NT5C3A: variants seen among roughly 807,000 people sequenced by gnomAD.
NT5C3A encodes the protein cytosolic 5'-nucleotidase 3A.
NT5C3A carries 23 observed loss-of-function variants against 40.0 expected under a neutral mutation model. The observed-to-expected ratio is 0.58, with a 90% CI of 0.41 to 0.81. The LOEUF (loss-of-function observed/expected upper bound fraction) is 0.81, where lower values mean the gene tolerates loss of function less well. NT5C3A is among the 40% of genes least tolerant of loss of function. The probability of loss-of-function intolerance (pLI) is 0.00; values close to 1 mark genes in which losing one functional copy is unlikely to be tolerated. For synonymous variants in NT5C3A, 130 were observed against 141.4 expected (o/e 0.92, Z 0.57); for missense variants, 328 against 403.0 (o/e 0.81, Z 1.59).
rs1785654640 is a variant in NT5C3A, at chr7:33,022,045, G to C, written c.354+8C>G. On this transcript the variant is annotated splice_region_variant and intron_variant, in intron 4 of 8. Coordinates refer to ENST00000610140, the MANE Select transcript of NT5C3A (RefSeq NM_001002010.5). ...TTTGAGTGACTATAGATTGTTGTTA[G>C]TGTTTACCTTTTTTCTACATTCATC... 7 of 1,475,400 alleles carry C rather than the reference G, an allele frequency of 4.7e-6. No homozygotes were observed. Among genetic ancestry groups the C allele is most frequent in the Non-Finnish European group, 5.7e-6 (6 of 1,055,008 alleles). The allele number at this position is 1,475,400 out of a possible 1,614,324, so 91.4% of individuals were successfully genotyped here. A position where few individuals can be genotyped will look rare whatever the true frequency, so the allele number is the denominator to read the frequency against.
intron 5 of NT5C3A, 50 bp downstream of exon 5, chr7:33,021,222 G>A (rs1785608727): frequency 6.2e-7 from 1 of 1,605,710 alleles, no homozygotes; most frequent in Non-Finnish European, 8.5e-7. Flanking sequence ...TAACTGCAGT[G>A]TTGTTTTATT....
intron 1 of NT5C3A, among the ~76,000 whole-genome samples, chr7:33,055,233 G>T (rs542009452): frequency 6.6e-6 from 1 of 151,970 alleles, no homozygotes; most frequent in Non-Finnish European, 1.5e-5. Flanking sequence ...ACTGAGGCAT[G>T]AGAATTGCTT....
chr7:33,060,955 A>G (rs1787751921), intron 1 of NT5C3A, among the ~76,000 whole-genome samples: 1 of 152,272 alleles, frequency 6.6e-6, no homozygotes, highest in Non-Finnish European at 1.5e-5. Context: ...GCATACATGT[A>G]AATATTGACT....
intron 1 of NT5C3A, among the ~76,000 whole-genome samples, chr7:33,029,072 C>T (rs1013789844): frequency 6.6e-5 from 10 of 151,842 alleles, no homozygotes; most frequent in African/African-American, 1.9e-4. Flanking sequence ...CTACCACCTA[C>T]AATATATTTA....
Position 33,014,504 on chromosome 7 carries a change from T to TTAAGG in NT5C3A, c.*225_*226insCCTTA. 2.9e-6 allele frequency: 1 copy of TTAAGG among 348,922 alleles called. No homozygotes were observed. The highest frequency in any genetic ancestry group is 4.7e-6 in the Non-Finnish European group (1 of 213,258). The allele number at this position is 348,922 out of a possible 1,614,324, so 21.6% of individuals were successfully genotyped here. The stretch of plus-strand genomic sequence containing the variant: ...GGGAGTTATTTTTCTAATTTTAGCT[T>TTAAGG]TTTTTTTTTTTTAAATGGGTTAAAA... On this transcript the variant is annotated 3_prime_UTR_variant, in exon 9 of 9. Transcript: ENST00000610140.
intron 2 of NT5C3A, among the ~76,000 whole-genome samples, chr7:33,026,156 G>A (rs1303310996): frequency 3.3e-5 from 5 of 151,900 alleles, no homozygotes; most frequent in Non-Finnish European, 7.4e-5. Context: ...CTGCACTCCA[G>A]CCTGAGCAAC....
At chr7:33,061,714 G>T (rs1447503385) in intron 1 of NT5C3A, among the ~76,000 whole-genome samples, 1 of 152,060 alleles carries the variant, frequency 6.6e-6, no homozygotes, top group East Asian at 1.9e-4. Flanking sequence ...TCTGACCCTA[G>T]ATGTTCACAT....
chr7:33,021,392 A>C (rs767577512), intron 4 of NT5C3A, 35 bp from the exon 5 acceptor site: 1 of 1,601,198 alleles, frequency 6.2e-7, no homozygotes, highest in South Asian at 1.1e-5. Context: ...CATGAAGATT[A>C]CTTGAAAATA....
intron 1 of NT5C3A, among the ~76,000 whole-genome samples, chr7:33,053,004 T>C (rs1787432498): frequency 6.6e-6 from 1 of 152,236 alleles, no homozygotes; most frequent in Non-Finnish European, 1.5e-5. Flanking sequence ...TCTCTAGTTG[T>C]CATGGTTTAT....
At chr7:33,042,477 C>T (rs1371033283) in intron 1 of NT5C3A, among the ~76,000 whole-genome samples, 2 of 152,224 alleles carry the variant, frequency 1.3e-5, no homozygotes, top group East Asian at 1.9e-4. Context: ...AGAGGACAGC[C>T]TATTATCTCT....
chr7:33,060,566 A>C (rs1583978412), intron 1 of NT5C3A, among the ~76,000 whole-genome samples: 1 of 149,400 alleles, frequency 6.7e-6, no homozygotes, highest in Admixed American at 6.6e-5. Context: ...TCAATTAAAA[A>C]CTCTTGCAAG....
chr7:33,058,696 C>A (rs554115748), intron 1 of NT5C3A, among the ~76,000 whole-genome samples: 1 of 152,284 alleles, frequency 6.6e-6, no homozygotes, highest in African/African-American at 2.4e-5. Context: ...TCCGTATTCC[C>A]CTCAAAAGGC....
At position 33,062,752 on chromosome 7, in the gene NT5C3A, C is replaced by A. The variant is rs1477008789; in HGVS notation, c.-47G>T. On this transcript the variant is annotated 5_prime_UTR_variant, in exon 1 of 9. Coordinates refer to ENST00000610140, the MANE Select transcript of NT5C3A (RefSeq NM_001002010.5). ...CCAAGCAGGAAAAAAACAGGCAGCT[C>A]GCGTAGACTGCGAGTCTCGGAAGCG... 7 of 1,548,762 alleles carry A rather than the reference C, an allele frequency of 4.5e-6. No homozygotes were observed. Among genetic ancestry groups the A allele is most frequent in the East Asian group, 2.4e-5 (1 of 40,896 alleles).
chr7:33,050,794 ACTTG>A lies in NT5C3A; in HGVS notation c.138+11770_138+11773del, dbSNP rs946820440. On this transcript the variant is annotated intron_variant, in intron 1 of 8. Coordinates refer to ENST00000610140, the MANE Select transcript of NT5C3A (RefSeq NM_001002010.5). ...GTCTATAATGGCAGAAAGTTGTCTT[ACTTG>A]GTTTAAATTGTATAGATTAATGGTT... Among the ~76,000 whole-genome samples the A allele has an allele frequency of 1.6e-3, 244 of 152,370 alleles. 4 individuals are homozygous for A. The highest frequency in any genetic ancestry group is 8.7e-3 in the East Asian group (45 of 5,188).
chr7:33,025,101 T>C (rs1029439396), intron 2 of NT5C3A, among the ~76,000 whole-genome samples: 1 of 152,140 alleles, frequency 6.6e-6, no homozygotes, highest in Admixed American at 6.5e-5. Context: ...ATCATGCCAC[T>C]ACACTCCAAC....
At chr7:33,044,150 T>A (rs556199201) in intron 1 of NT5C3A, among the ~76,000 whole-genome samples, 22 of 152,036 alleles carry the variant, frequency 1.4e-4, no homozygotes, top group African/African-American at 5.1e-4. Context: ...GCCTCAGCCT[T>A]CCTGAGTAGC....
chr7:33,016,616 G>C (rs1330568714), intron 7 of NT5C3A, among the ~76,000 whole-genome samples: 1 of 142,242 alleles, frequency 7.0e-6, no homozygotes, highest in African/African-American at 2.7e-5. Flanking sequence ...GTTGCTGTGA[G>C]CTAAGATCAC....
chr7:33,050,553 C>T (rs1219155396), intron 1 of NT5C3A, among the ~76,000 whole-genome samples: 1 of 152,134 alleles, frequency 6.6e-6, no homozygotes, highest in Non-Finnish European at 1.5e-5. Flanking sequence ...AAGGAGAAGG[C>T]TATGCCTTCT....
chr7:33,023,023 C>T lies in NT5C3A; in HGVS notation c.308-924G>A, dbSNP rs556865503. ...GACTTGCCCTCCCAGGCTCAAGGAC[C>T]CTCTCAGCCTCCCAAATGAGTAGCT... On this transcript the variant is annotated intron_variant, in intron 3 of 8. Transcript: ENST00000610140. 7.3e-5 allele frequency among the ~76,000 whole-genome samples: 11 copies of T among 151,054 alleles called. No homozygotes were observed. In the East Asian group the frequency reaches 1.6e-3, roughly 21 times the overall value.
Sources: allele counts gnomAD v4.1 joint callset (sites outside exome capture counted in the v4.1 genomes callset), GRCh38; gene constraint gnomAD v4.1.1; transcripts MANE v1.5; gene names NCBI Gene and HGNC (gene_info 2026-07-23, HGNC 2026-07-21).